Variants in SLC6A6 observed in about 807,000 individuals in gnomAD.
SLC6A6 encodes solute carrier family 6 member 6.
SLC6A6 carries 16 observed loss-of-function variants against 68.8 expected under a neutral mutation model. The ratio of observed to expected loss-of-function variants is 0.23; its 90% CI spans 0.16 to 0.35. The LOEUF (loss-of-function observed/expected upper bound fraction) is 0.35. Among genes scored for constraint, SLC6A6 ranks in the 10% least tolerant of loss-of-function variants. SLC6A6 has a pLI of 1.00. For synonymous variants in SLC6A6, 312 were observed against 315.4 expected (o/e 0.99, Z 0.12); for missense variants, 474 against 802.8 (o/e 0.59, Z 4.95).
At chr3:14,408,670 A>G (rs984943930) in intron 1 of SLC6A6, among the ~76,000 whole-genome samples, 4 of 152,214 alleles carry the variant, frequency 2.6e-5, no homozygotes, top group Non-Finnish European at 5.9e-5. Flanking sequence ...CTTAAACTTT[A>G]TCCAGGTGTG....
At chr3:14,447,552 G>A in intron 4 of SLC6A6, 30 bp from the exon 5 acceptor site, 1 of 1,612,892 alleles carries the variant, frequency 6.2e-7, no homozygotes, top group African/African-American at 1.3e-5. Context: ...TCCCTCAGAT[G>A]TTTACTCATC....
chr3:14,432,595 G>T, intron 2 of SLC6A6: 1 of 152,540 alleles, frequency 6.6e-6, no homozygotes, highest in Non-Finnish European at 1.5e-5. Flanking sequence ...GCTGCAGGCA[G>T]TGTGACCGTT....
At position 14,472,291 on chromosome 3, in the gene SLC6A6, C is replaced by A; in HGVS notation, c.1183C>A (p.Leu395Ile). ...TFWSILFFIMLLLLGLDSQFV... is the reference protein window; with the variant it reads ...TFWSILFFIMILLLGLDSQFV... ...TTGGTCCATTCTTTTTTTTATTATG[C>A]TTCTCTTGCTTGGACTGGATAGCCA... The change falls in exon 10 of 15, where the codon CTT becomes ATT. Residue 395 changes from leucine to isoleucine, a missense_variant. Transcript: ENST00000622186. The surrounding 1 kb of genome is among the most constrained non-coding windows in gnomAD (Gnocchi z 4.5). 1 of 1,610,374 alleles carries A rather than the reference C, an allele frequency of 6.2e-7. No individual in the cohort carries two copies. Among genetic ancestry groups the A allele is most frequent in the Non-Finnish European group, 8.5e-7 (1 of 1,176,632 alleles).
chr3:14,482,656 G>A (rs1701034902), intron 14 of SLC6A6, among the ~76,000 whole-genome samples: 1 of 152,148 alleles, frequency 6.6e-6, no homozygotes, highest in Admixed American at 6.5e-5. Context: ...CTGGGCAGGG[G>A]AATGGCCTGG....
intron 9 of SLC6A6, among the ~76,000 whole-genome samples, chr3:14,471,563 C>T (rs1338572951): frequency 6.6e-6 from 1 of 152,186 alleles, no homozygotes; most frequent in Non-Finnish European, 1.5e-5. Context: ...GGCCTCAGGG[C>T]TTGCAGGCCT....
In SLC6A6 at chr3:14,445,584, C is replaced by G; in HGVS notation, c.230-133C>G. 3.0e-6 allele frequency: 3 copies of G among 1,006,472 alleles called. No homozygotes were observed. In the South Asian group the frequency reaches 4.4e-5, roughly 15 times the overall value. 62.3% of individuals were successfully genotyped at this position (1,006,472 alleles called of 1,614,324 possible). On this transcript the variant is annotated intron_variant, in intron 3 of 14. Transcript: ENST00000622186. ...GGGCCTGGAGCATTTCCCACCAGGT[C>G]CAAGAGTTTGGCCTTGAGCCTCATG...
Position 14,478,535 on chromosome 3 carries a change from T to C in SLC6A6, c.1417T>C (p.Phe473Leu). The change falls in exon 12 of 15, where the codon TTC becomes CTC. Residue 473 changes from phenylalanine (F) to leucine (L), a missense_variant. Around this residue, in one of 2 missense-constraint regions of SLC6A6, gnomAD observed 194 missense variants for 269.8 expected, o/e 0.72. Transcript: ENST00000622186. ...CGGTGTATGCCTTTTGTGGGTTGCA[T>C]TCTTTGAATGTTTTGTTATTGCCTG... is the stretch of plus-strand genomic sequence containing the variant. ...ASGVCLLWVA[F>L]FECFVIAWIY... is the part of the protein sequence containing the mutation. 6.2e-7 allele frequency: 1 copy of C among 1,612,828 alleles called. No individual in the cohort carries two copies. The highest frequency in any genetic ancestry group is 8.5e-7 in the Non-Finnish European group (1 of 1,178,770).
chr3:14,474,809 ATCTACAG>A, intron 10 of SLC6A6, among the ~76,000 whole-genome samples: 1 of 152,282 alleles, frequency 6.6e-6, no homozygotes, highest in South Asian at 2.1e-4. Context: ...AAGTATGGAG[ATCTACAG>A]CCCAGAGGCA....
At chr3:14,453,510 C>T (rs1044053476) in intron 5 of SLC6A6, among the ~76,000 whole-genome samples, 1 of 152,222 alleles carries the variant, frequency 6.6e-6, no homozygotes, top group African/African-American at 2.4e-5. Flanking sequence ...GAACTTGTCT[C>T]AGCCTCAGTT....
chr3:14,466,748 G>C (rs1293376808), intron 7 of SLC6A6, 98 bp downstream of exon 7: 4 of 1,222,602 alleles, frequency 3.3e-6, no homozygotes, highest in Non-Finnish European at 4.5e-6. Context: ...CACATCTTCC[G>C]TGGTTCTTCA....
rs1247306505 is a variant in SLC6A6 at position 14,448,586 on chromosome 3, CTCTG to C, written c.599+776_599+779del. ...CCCGAAACCCAAGTGCTTTTCAAGC[CTCTG>C]TCTGTATCATTTTTGTTCATGTCCC... On this transcript the variant is annotated intron_variant, in intron 5 of 14. Transcript: ENST00000622186. 3.9e-5 allele frequency among the ~76,000 whole-genome samples: 6 copies of C among 152,348 alleles called. No homozygotes were observed. The South Asian group carries it at 1.0e-3, about 26-fold the overall frequency.
chr3:14,471,806 A>C (rs1700758089), intron 9 of SLC6A6, among the ~76,000 whole-genome samples: 1 of 152,220 alleles, frequency 6.6e-6, no homozygotes, highest in African/African-American at 2.4e-5. Flanking sequence ...CTGGGCGGTC[A>C]GGTCACCACC....
In SLC6A6 at chr3:14,484,953, C is replaced by A; in HGVS notation, c.1809C>A (p.Val603=). Residue 603 remains valine, a synonymous_variant, in exon 15 of 15, where the codon GTC becomes GTA. Coordinates refer to ENST00000622186, the MANE Select transcript of SLC6A6 (RefSeq NM_003043.6). The stretch of plus-strand genomic sequence containing the variant: ...CCACACCTTACAACTCTCGCACCGT[C>A]ATGAACGGCGCTCTCGTGAAACCGA... The part of the protein sequence containing the change: ...EGATPYNSRT[V]MNGALVKPTH... The A allele has an allele frequency of 6.2e-7, 1 of 1,613,238 alleles. No individual in the cohort carries two copies. Among genetic ancestry groups the A allele is most frequent in the Non-Finnish European group, 8.5e-7 (1 of 1,179,926 alleles).
At chr3:14,416,144 T>C (rs1050288673) in intron 1 of SLC6A6, among the ~76,000 whole-genome samples, 1 of 152,088 alleles carries the variant, frequency 6.6e-6, no homozygotes, top group Non-Finnish European at 1.5e-5. Flanking sequence ...GCTGTGAACA[T>C]GTGTGTGGCT....
intron 6 of SLC6A6, among the ~76,000 whole-genome samples, chr3:14,464,017 C>T (rs1574954580): frequency 6.6e-6 from 1 of 152,210 alleles, no homozygotes; most frequent in South Asian, 2.1e-4. Flanking sequence ...CAGCGTGCAA[C>T]CCCTGGTAGA....
In SLC6A6 at chr3:14,448,581, C is replaced by T. The variant is rs984324880; in HGVS notation, c.599+765C>T. ...CAATCCCCGAAACCCAAGTGCTTTTCAAGCCTCTGTCTGTATCATTTTTGT... is the reference window on the plus strand; with the variant it reads ...CAATCCCCGAAACCCAAGTGCTTTTTAAGCCTCTGTCTGTATCATTTTTGT... On this transcript the variant is annotated intron_variant, in intron 5 of 14. Transcript: ENST00000622186. Among the ~76,000 whole-genome samples the T allele has an allele frequency of 9.2e-5, 14 of 152,332 alleles. No homozygotes were observed. The South Asian group carries it at 2.9e-3, about 32-fold the overall frequency.
At chr3:14,447,528 T>A in intron 4 of SLC6A6, 54 bp from the exon 5 acceptor site, 2 of 1,601,586 alleles carry the variant, frequency 1.2e-6, no homozygotes, top group South Asian at 1.1e-5. Flanking sequence ...TATGTGGCCG[T>A]GGTGGGTCTG....
chr3:14,481,819 A>G lies in SLC6A6; in HGVS notation c.1700A>G (p.Gln567Arg), dbSNP rs1038857154. ...VPLVIVIRLC[Q>R]TEGPFLVRVK... ...TTGGTCATCGTCATCCGCCTCTGCC[A>G]GACTGAGGGGCCGTTCCTTGTGGTA... The change falls in exon 14 of 15, where the codon CAG (glutamine) becomes CGG (arginine). Residue 567 changes from glutamine (Q) to arginine (R), a missense_variant. Gln to Arg is a conservative substitution (Grantham distance 43). Transcript: ENST00000622186. This position sits in a 1 kb window ranked among gnomAD's most constrained non-coding sequence, Gnocchi z 4.7. 5 of 1,613,910 alleles carry G rather than the reference A, an allele frequency of 3.1e-6. No individual in the cohort carries two copies. The African/African-American group carries it at 5.3e-5, about 17-fold the overall frequency.
intron 12 of SLC6A6, chr3:14,478,830 G>A (rs1236807596): frequency 3.4e-6 from 2 of 593,082 alleles, no homozygotes; most frequent in African/African-American, 3.7e-5. Flanking sequence ...ATCTCCTTGA[G>A]GCCTTGGGTT....
Sources: allele counts gnomAD v4.1 joint callset (sites outside exome capture counted in the v4.1 genomes callset), GRCh38; gene constraint gnomAD v4.1.1; regional missense constraint gnomAD v4.1.1; non-coding constraint Gnocchi (gnomAD v3.1); transcripts MANE v1.5; gene names NCBI Gene and HGNC (gene_info 2026-07-23, HGNC 2026-07-21).